The following RBFOX2 variants were observed in gnomAD, a reference collection of about 807,000 sequenced individuals.
RBFOX2 encodes the protein RNA binding fox-1 homolog 2.
RBFOX2 carries 10 observed loss-of-function variants against 49.1 expected under a neutral mutation model. The observed-to-expected ratio is 0.20, with a 90% CI of 0.13 to 0.35. The LOEUF is 0.35. Among genes scored for constraint, RBFOX2 ranks in the 10% least tolerant of loss-of-function variants. The pLI is 1.00. For synonymous variants in RBFOX2, 183 were observed against 187.4 expected (o/e 0.98, Z 0.19); for missense variants, 323 against 486.9 (o/e 0.66, Z 3.17).
chr22:35,932,974 A>T (rs1218589679), intron 1 of RBFOX2, among the ~76,000 whole-genome samples: 2 of 152,254 alleles, frequency 1.3e-5, no homozygotes, highest in African/African-American at 4.8e-5. Flanking sequence ...CTTGACAGAA[A>T]TAAGTTACTC....
intron 1 of RBFOX2, among the ~76,000 whole-genome samples, chr22:35,862,447 C>T (rs1444466901): frequency 6.6e-6 from 1 of 151,816 alleles, no homozygotes; most frequent in African/African-American, 2.4e-5. Flanking sequence ...CAGAAAAGGT[C>T]TTCTGAAAAG....
chr22:35,793,119 C>T (rs567878002), intron 2 of RBFOX2, among the ~76,000 whole-genome samples: 1 of 152,220 alleles, frequency 6.6e-6, no homozygotes, highest in African/African-American at 2.4e-5. Flanking sequence ...CGCCTGTAAT[C>T]CCAGCACTTT....
At chr22:35,884,631 G>A (rs548213215) in intron 1 of RBFOX2, among the ~76,000 whole-genome samples, 1 of 152,224 alleles carries the variant, frequency 6.6e-6, no homozygotes, top group African/African-American at 2.4e-5. Context: ...CAAGATAAAA[G>A]CCACAGTCTC....
At chr22:35,953,039 A>G (rs546486185) in intron 1 of RBFOX2, among the ~76,000 whole-genome samples, 357 of 151,844 alleles carry the variant, frequency 2.4e-3, no homozygotes, top group African/African-American at 8.3e-3. Context: ...GTGAAATCCC[A>G]TCTCTACTAA....
At chr22:35,882,144 C>T (rs1035814018) in intron 1 of RBFOX2, among the ~76,000 whole-genome samples, 4 of 152,058 alleles carry the variant, frequency 2.6e-5, no homozygotes, top group Non-Finnish European at 5.9e-5. Flanking sequence ...AAGGACTTGG[C>T]TCAAAATATT....
chr22:35,750,522 G>C, intron 9 of RBFOX2: 1 of 1,274,568 alleles, frequency 7.8e-7, no homozygotes, highest in Non-Finnish European at 1.1e-6. Flanking sequence ...CCCTAATGTA[G>C]GAGGGCACAC....
intron 1 of RBFOX2, among the ~76,000 whole-genome samples, chr22:35,814,412 A>T (rs182830771): frequency 6.6e-6 from 1 of 152,320 alleles, no homozygotes; most frequent in Non-Finnish European, 1.5e-5. Context: ...TGTAGTGTTT[A>T]GAAAATAATG....
At chr22:36,024,430 A>T (rs910470007) in intron 1 of RBFOX2, among the ~76,000 whole-genome samples, 2 of 152,168 alleles carry the variant, frequency 1.3e-5, no homozygotes, top group African/African-American at 4.8e-5. Flanking sequence ...AGGCTTCACA[A>T]AAGGAGTTAG....
At chr22:35,819,973 T>C (rs1433615785) in intron 1 of RBFOX2, among the ~76,000 whole-genome samples, 2 of 152,052 alleles carry the variant, frequency 1.3e-5, no homozygotes, top group Non-Finnish European at 2.9e-5. Context: ...GGAACACAAA[T>C]GCAAAGTCCC....
At chr22:35,947,417 C>CT (rs1386851710) in intron 1 of RBFOX2, among the ~76,000 whole-genome samples, 1 of 151,882 alleles carries the variant, frequency 6.6e-6, no homozygotes, top group East Asian at 1.9e-4. Flanking sequence ...CTATATCATA[C>CT]TTTTTTTCAT....
chr22:35,790,448 G>T (rs1180623107), intron 2 of RBFOX2, among the ~76,000 whole-genome samples: 1 of 152,166 alleles, frequency 6.6e-6, no homozygotes, highest in Non-Finnish European at 1.5e-5. Flanking sequence ...GATATAAGGT[G>T]AGGATTATTA....
intron 1 of RBFOX2, among the ~76,000 whole-genome samples, chr22:35,860,800 G>C (rs2043015832): frequency 6.6e-6 from 1 of 152,134 alleles, no homozygotes; most frequent in Admixed American, 6.5e-5. Flanking sequence ...AGAGAATTGA[G>C]TCTTTCTGAC....
At chr22:36,007,025 T>C (rs2058644956) in intron 1 of RBFOX2, among the ~76,000 whole-genome samples, 1 of 152,204 alleles carries the variant, frequency 6.6e-6, no homozygotes, top group African/African-American at 2.4e-5. Flanking sequence ...CTAGGGGACA[T>C]TTCTTAAGAA....
chr22:35,776,030 G>A (rs1943847229), intron 4 of RBFOX2, among the ~76,000 whole-genome samples: 1 of 152,058 alleles, frequency 6.6e-6, no homozygotes, highest in African/African-American at 2.4e-5. Context: ...CCTTCTAGTT[G>A]TTAGATTCTA....
intron 1 of RBFOX2, among the ~76,000 whole-genome samples, chr22:36,022,355 T>C (rs909775539): frequency 6.6e-6 from 1 of 152,196 alleles, no homozygotes; most frequent in Non-Finnish European, 1.5e-5. Context: ...TTCTGTTGTG[T>C]TCACATGTCA....
At chr22:35,776,254 G>A (rs1158242442) in intron 4 of RBFOX2, among the ~76,000 whole-genome samples, 2 of 152,126 alleles carry the variant, frequency 1.3e-5, no homozygotes, top group Non-Finnish European at 2.9e-5. Flanking sequence ...AATCCATCGT[G>A]AGAAAAATTA....
At position 35,772,135 on chromosome 22, in the gene RBFOX2, A is replaced by G. The variant is rs375593681; in HGVS notation, c.454-3786T>C. The stretch of plus-strand genomic sequence containing the variant: ...GATTTAATCTCAAATTCTGAACAAG[A>G]GGAAATATTTCAGCTATGTAAACAG... On this transcript the variant is annotated intron_variant, in intron 4 of 11. Transcript: ENST00000405409. Among the ~76,000 whole-genome samples the G allele has an allele frequency of 1.9e-4, 29 of 152,338 alleles. No individual in the cohort carries two copies. In the East Asian group the frequency reaches 5.2e-3, roughly 27 times the overall value.
intron 2 of RBFOX2, among the ~76,000 whole-genome samples, chr22:35,802,094 A>G (rs1333873235): frequency 2.0e-5 from 3 of 152,210 alleles, no homozygotes; most frequent in African/African-American, 4.8e-5. Flanking sequence ...AGTTTCTGGT[A>G]TAAATGAGGA....
intron 9 of RBFOX2, among the ~76,000 whole-genome samples, chr22:35,753,337 C>T (rs1935662211): frequency 6.6e-6 from 1 of 152,188 alleles, no homozygotes; most frequent in South Asian, 2.1e-4. Flanking sequence ...TGCTCCCTCA[C>T]ATGTGGAATA....
Sources: allele counts gnomAD v4.1 joint callset (sites outside exome capture counted in the v4.1 genomes callset), GRCh38; gene constraint gnomAD v4.1.1; transcripts MANE v1.5; gene names NCBI Gene and HGNC (gene_info 2026-07-23, HGNC 2026-07-21).